USP6NL: variants seen among roughly 807,000 people sequenced by gnomAD.
USP6NL encodes USP6 N-terminal like, also known as USP6 N-terminal-like protein.
Under a neutral mutation model 61.9 loss-of-function variants are expected in USP6NL, and 26 were observed. The ratio of observed to expected loss-of-function variants is 0.42; its 90% CI spans 0.31 to 0.58. The LOEUF (loss-of-function observed/expected upper bound fraction) is 0.58. Ranked by LOEUF, USP6NL falls within the 20% of genes least tolerant of loss-of-function variation. The probability of loss-of-function intolerance (pLI) is 0.16; values close to 1 mark genes in which losing one functional copy is unlikely to be tolerated. For missense variants in USP6NL, 1,114 were observed against 1,034.3 expected, an observed-to-expected ratio of 1.08 and a Z score of -1.06; for synonymous variants, 432 against 390.1, an observed-to-expected ratio of 1.11 and a Z score of -1.27.
chr10:11,572,261 C>T (rs1002422113), intron 2 of USP6NL, among the ~76,000 whole-genome samples: 1 of 151,916 alleles, frequency 6.6e-6, no homozygotes, highest in Non-Finnish European at 1.5e-5. Flanking sequence ...ATAGTAAAAG[C>T]TATTTTCTTT....
At position 11,481,057 on chromosome 10, in the gene USP6NL, T is replaced by G. The variant is rs1284575884; in HGVS notation, c.1078+713A>C. ...CTCCCATTTACCCTGCGGCTAGCTCTAGTAATGCCCCATTCACCCTCTGTT... is the reference window on the plus strand; with the variant it reads ...CTCCCATTTACCCTGCGGCTAGCTCGAGTAATGCCCCATTCACCCTCTGTT... On this transcript the variant is annotated intron_variant, in intron 14 of 14. Coordinates refer to ENST00000609104, the MANE Select transcript of USP6NL (RefSeq NM_014688.5). This position sits in a 1 kb window ranked among gnomAD's most constrained non-coding sequence, Gnocchi z 4.4. Among the ~76,000 whole-genome samples, 2 of 152,178 alleles carry G rather than the reference T, an allele frequency of 1.3e-5. No homozygotes were observed. The highest frequency in any genetic ancestry group is 4.8e-5 in the African/African-American group (2 of 41,438).
intron 2 of USP6NL, chr10:11,563,423 T>G: frequency 6.6e-6 from 1 of 151,614 alleles, no homozygotes; most frequent in Non-Finnish European, 1.5e-5. Context: ...CACACACACA[T>G]ACACACAAAT....
At chr10:11,555,698 T>C (rs1029243775) in intron 2 of USP6NL, among the ~76,000 whole-genome samples, 4 of 151,730 alleles carry the variant, frequency 2.6e-5, no homozygotes, top group African/African-American at 7.3e-5. Context: ...AAGAAAAACA[T>C]ACCTGGACAC....
chr10:11,463,530 G>C lies in USP6NL; in HGVS notation c.1398C>G (p.His466Gln), dbSNP rs556901464. Residue 466 changes from histidine to glutamine, a missense_variant, in exon 15 of 15, where the codon CAC (histidine) becomes CAG (glutamine). Coordinates refer to ENST00000609104, the MANE Select transcript of USP6NL (RefSeq NM_014688.5). The surrounding 1 kb of genome is among the most constrained non-coding windows in gnomAD (Gnocchi z 6.3). ...CGTTGCTATTTTGGTTGGCAGCTGC[G>C]TGATTATATTGCCTGGAACTGTCCT... ...GPQDSSRQYN[H>Q]AAANQNSNAT... 1.9e-6 allele frequency: 3 copies of C among 1,614,028 alleles called. No individual in the cohort carries two copies. Among genetic ancestry groups the C allele is most frequent in the Admixed American group, 1.7e-5 (1 of 60,030 alleles).
In USP6NL at chr10:11,561,754, G is replaced by A. The variant is rs778509193; in HGVS notation, c.5-34187C>T. 3.3e-5 allele frequency among the ~76,000 whole-genome samples: 5 copies of A among 152,180 alleles called. No individual in the cohort carries two copies. The highest frequency in any genetic ancestry group is 7.4e-5 in the Non-Finnish European group (5 of 68,024). On this transcript the variant is annotated intron_variant, in intron 2 of 14. Coordinates refer to ENST00000609104, the MANE Select transcript of USP6NL (RefSeq NM_014688.5). This position sits in a 1 kb window ranked among gnomAD's most constrained non-coding sequence, Gnocchi z 4.1. The stretch of plus-strand genomic sequence containing the variant: ...AATACTGACTTGCAGACTAGAATTA[G>A]TAGGCCAGATGAAACACAACTTTTA...
intron 2 of USP6NL, among the ~76,000 whole-genome samples, chr10:11,579,964 G>GGC (rs1837689122): frequency 7.7e-6 from 1 of 129,206 alleles, no homozygotes; most frequent in African/African-American, 3.2e-5. Flanking sequence ...GGAGAGTGGC[G>GGC]GGGGGGGGGC....
chr10:11,472,344 G>A (rs576216801), intron 14 of USP6NL, among the ~76,000 whole-genome samples: 22 of 152,304 alleles, frequency 1.4e-4, no homozygotes, highest in African/African-American at 3.6e-4. Flanking sequence ...CCCAGTGGAC[G>A]CCACACTCAA....
chr10:11,504,735 A>G (rs1834362007), intron 6 of USP6NL, among the ~76,000 whole-genome samples: 3 of 152,240 alleles, frequency 2.0e-5, no homozygotes, highest in African/African-American at 4.8e-5. Context: ...TGGAGCTCAC[A>G]GCGTACTGGG....
intron 7 of USP6NL, among the ~76,000 whole-genome samples, chr10:11,500,347 GA>G (rs888146786): frequency 8.7e-4 from 127 of 145,154 alleles, no homozygotes; most frequent in Middle Eastern, 3.5e-3. Context: ...AAAAGTTGAA[GA>G]AAAAAAAAAC....
At chr10:11,521,634 C>A (rs942290942) in intron 4 of USP6NL, among the ~76,000 whole-genome samples, 3 of 152,084 alleles carry the variant, frequency 2.0e-5, no homozygotes, top group African/African-American at 4.8e-5. Context: ...CCCGCCTGGG[C>A]CTCCCAAAGT....
chr10:11,606,608 AT>A (rs1409562062), intron 1 of USP6NL, among the ~76,000 whole-genome samples: 2 of 152,216 alleles, frequency 1.3e-5, no homozygotes, highest in Non-Finnish European at 2.9e-5. Flanking sequence ...AAGTCTCAAT[AT>A]TATACTTTGA....
intron 7 of USP6NL, among the ~76,000 whole-genome samples, chr10:11,493,888 T>C (rs1432340781): frequency 6.6e-6 from 1 of 152,118 alleles, no homozygotes; most frequent in East Asian, 1.9e-4. Context: ...CTCCTGCCTG[T>C]GCGGCCTGAC....
At chr10:11,486,067 A>AT (rs1206774756) in intron 10 of USP6NL, among the ~76,000 whole-genome samples, 156 bp from the exon 11 acceptor site, 4 of 151,952 alleles carry the variant, frequency 2.6e-5, no homozygotes, top group African/African-American at 9.7e-5. Flanking sequence ...AAAAAACTGT[A>AT]TATAAGCTTT....
chr10:11,471,088 G>A (rs1031994483), intron 14 of USP6NL, among the ~76,000 whole-genome samples: 2 of 152,198 alleles, frequency 1.3e-5, no homozygotes, highest in Admixed American at 1.3e-4. Flanking sequence ...GAGAGGCTGA[G>A]GCAGAAGAAT....
rs1835085896 is a variant in USP6NL, at chr10:11,518,937, A to G, written c.156-363T>C. On this transcript the variant is annotated intron_variant, in intron 4 of 14. Coordinates refer to ENST00000609104, the MANE Select transcript of USP6NL (RefSeq NM_014688.5). The surrounding 1 kb of genome is among the most constrained non-coding windows in gnomAD (Gnocchi z 5.3). ...ATATTGAACGGTACAGATATAGAAC[A>G]TTTCCATCACTGCAGAAAGGTCCAC... Among the ~76,000 whole-genome samples the G allele has an allele frequency of 6.6e-6, 1 of 152,260 alleles. No homozygotes were observed. Among genetic ancestry groups the G allele is most frequent in the African/African-American group, 2.4e-5 (1 of 41,470 alleles).
rs1378304747 is a variant in USP6NL at position 11,495,466 on chromosome 10, C to T, written c.385-2238G>A. Among the ~76,000 whole-genome samples, 12 of 152,158 alleles carry T rather than the reference C, an allele frequency of 7.9e-5. No homozygotes were observed. The highest frequency in any genetic ancestry group is 4.6e-4 in the Admixed American group (7 of 15,284). ...CCATTCCCATTTTCTTTTTCTGAAA[C>T]TCTTATTATTACAGTCTGGGAACTC... On this transcript the variant is annotated intron_variant, in intron 7 of 14. Transcript: ENST00000609104. This position sits in a 1 kb window ranked among gnomAD's most constrained non-coding sequence, Gnocchi z 4.6.
chr10:11,485,137 T>A lies in USP6NL; in HGVS notation c.825+32A>T, dbSNP rs1833401656. On this transcript the variant is annotated intron_variant, in intron 12 of 14. Coordinates refer to ENST00000609104, the MANE Select transcript of USP6NL (RefSeq NM_014688.5). This position sits in a 1 kb window ranked among gnomAD's most constrained non-coding sequence, Gnocchi z 4.8. Reference sequence around the variant, plus strand: ...CTTCCCCTCACCTTGTATTTATAATTTTATGACTGAGTTTTGTAAATAAAT... The same window carrying A: ...CTTCCCCTCACCTTGTATTTATAATATTATGACTGAGTTTTGTAAATAAAT... 3 of 1,537,330 alleles carry A rather than the reference T, an allele frequency of 2.0e-6. No individual in the cohort carries two copies. The highest frequency in any genetic ancestry group is 2.5e-5 in the South Asian group (2 of 79,964).
chr10:11,494,183 C>A (rs1156902626), intron 7 of USP6NL, among the ~76,000 whole-genome samples: 2 of 152,214 alleles, frequency 1.3e-5, no homozygotes, highest in Non-Finnish European at 2.9e-5. Flanking sequence ...CACAGCTTCA[C>A]CGTCTTCTGG....
In USP6NL at chr10:11,463,875, A is replaced by T; in HGVS notation, c.1079-26T>A. 1 of 1,455,042 alleles carries T rather than the reference A, an allele frequency of 6.9e-7. No individual in the cohort carries two copies. Among genetic ancestry groups the T allele is most frequent in the Non-Finnish European group, 9.1e-7 (1 of 1,101,594 alleles). 90.1% of individuals were successfully genotyped at this position (1,455,042 alleles called of 1,614,324 possible). A position where few individuals can be genotyped will look rare whatever the true frequency, so the allele number is the denominator to read the frequency against. On this transcript the variant is annotated intron_variant, in intron 14 of 14. Coordinates refer to ENST00000609104, the MANE Select transcript of USP6NL (RefSeq NM_014688.5). The surrounding 1 kb of genome is among the most constrained non-coding windows in gnomAD (Gnocchi z 6.3). ...CTGAAAAGAAAGAGAAAGGCTAAGT[A>T]AGATAATACACGAGTAAACAGTAGC...
Sources: allele counts gnomAD v4.1 joint callset (sites outside exome capture counted in the v4.1 genomes callset), GRCh38; gene constraint gnomAD v4.1.1; non-coding constraint Gnocchi (gnomAD v3.1); transcripts MANE v1.5; gene names NCBI Gene and HGNC (gene_info 2026-07-23, HGNC 2026-07-21).